MYBL1: variants seen among roughly 807,000 people sequenced by gnomAD.
MYBL1 encodes the protein myb-related protein A.
MYBL1 carries 17 observed loss-of-function variants against 96.3 expected under a neutral mutation model. The ratio of observed to expected loss-of-function variants is 0.18; its 90% CI spans 0.12 to 0.26. The LOEUF (loss-of-function observed/expected upper bound fraction) is 0.26, where lower values mean the gene tolerates loss of function less well. Among genes scored for constraint, MYBL1 ranks in the 10% least tolerant of loss-of-function variants. The pLI is 1.00. For synonymous variants in MYBL1, 282 were observed against 292.7 expected (o/e 0.96, Z 0.37); for missense variants, 701 against 882.9 (o/e 0.79, Z 2.61).
intron 8 of MYBL1, among the ~76,000 whole-genome samples, chr8:66,587,909 C>T (rs181515223): frequency 6.6e-6 from 1 of 152,138 alleles, no homozygotes; most frequent in East Asian, 1.9e-4. Flanking sequence ...ACTATTACTA[C>T]TAAAAGTAAA....
chr8:66,562,375 T>C lies in MYBL1; in HGVS notation c.*2322A>G, dbSNP rs1808367010. The C allele has an allele frequency of 6.6e-6, 1 of 152,664 alleles. No homozygotes were observed. The highest frequency in any genetic ancestry group is 2.4e-5 in the African/African-American group (1 of 41,460). The allele number at this position is 152,664 out of a possible 1,614,324, so 9.5% of individuals were successfully genotyped here. A position where few individuals can be genotyped will look rare whatever the true frequency, so the allele number is the denominator to read the frequency against. On this transcript the variant is annotated 3_prime_UTR_variant, in exon 16 of 16. Coordinates refer to ENST00000522677, the MANE Select transcript of MYBL1 (RefSeq NM_001080416.4). Reference sequence around the variant, plus strand: ...ATGCAAGTATGGCTGCTACATGTTATGTCTGGCATTTGTATAACATACTGA... The same window carrying C: ...ATGCAAGTATGGCTGCTACATGTTACGTCTGGCATTTGTATAACATACTGA...
At chr8:66,600,996 C>A (rs1406404236) in intron 3 of MYBL1, among the ~76,000 whole-genome samples, 1 of 151,220 alleles carries the variant, frequency 6.6e-6, no homozygotes, top group Admixed American at 6.6e-5. Context: ...CATGGAGAAA[C>A]CCCGTCTCTA....
Position 66,566,192 on chromosome 8 carries a change from G to C in MYBL1, c.2002C>G (p.His668Asp). 2 of 1,516,552 alleles carry C rather than the reference G, an allele frequency of 1.3e-6. No individual in the cohort carries two copies. Among genetic ancestry groups the C allele is most frequent in the Non-Finnish European group, 1.8e-6 (2 of 1,114,686 alleles). The allele number at this position is 1,516,552 out of a possible 1,614,324, so 93.9% of individuals were successfully genotyped here. A position where few individuals can be genotyped will look rare whatever the true frequency, so the allele number is the denominator to read the frequency against. The change falls in exon 15 of 16, where the codon CAT becomes GAT. Residue 668 changes from histidine to aspartate, a missense_variant. His to Asp is a moderately conservative substitution (Grantham distance 81). Around this residue, in one of 5 missense-constraint regions of MYBL1, gnomAD observed 137 missense variants for 137.5 expected, o/e 1.00. Transcript: ENST00000522677. ...SLLMIPLLEI[H>D]DNRCNLIPEK... ...GGAATCAAGTTGCACCTATTGTCAT[G>C]TATTTCCAATAATGGTATCATTAAT...
intron 12 of MYBL1, among the ~76,000 whole-genome samples, chr8:66,572,094 T>C (rs989363153): frequency 6.3e-4 from 92 of 145,974 alleles, no homozygotes; most frequent in African/African-American, 1.9e-3. Flanking sequence ...GGGAGGGGGG[T>C]GGATCACCTG....
intron 15 of MYBL1, among the ~76,000 whole-genome samples, chr8:66,565,763 T>C (rs971174021): frequency 3.3e-5 from 5 of 152,116 alleles, no homozygotes; most frequent in African/African-American, 1.2e-4. Context: ...GCTATACATA[T>C]TTGTTACAGG....
intron 8 of MYBL1, among the ~76,000 whole-genome samples, chr8:66,582,514 C>T (rs62512604): frequency 0.12 from 14,781 of 128,132 alleles, 1,062 homozygotes; most frequent in East Asian, 0.22. Context: ...AAACCAGCCT[C>T]GGCAACATGG....
At chr8:66,575,132 A>G (rs1412142110) in intron 10 of MYBL1, among the ~76,000 whole-genome samples, 1 of 152,212 alleles carries the variant, frequency 6.6e-6, no homozygotes, top group Non-Finnish European at 1.5e-5. Context: ...TAACATAAAC[A>G]TCTACTGTCC....
At position 66,562,841 on chromosome 8, in the gene MYBL1, C is replaced by T. The variant is rs916875435; in HGVS notation, c.*1856G>A. ...CATACTTAAACATGCTAAGAGGATT[C>T]AAATTGGTTTATCTATTTATCAATA... On this transcript the variant is annotated 3_prime_UTR_variant, in exon 16 of 16. Transcript: ENST00000522677. The T allele has an allele frequency of 1.3e-5, 2 of 151,066 alleles. No individual in the cohort carries two copies. The highest frequency in any genetic ancestry group is 2.4e-5 in the African/African-American group (1 of 40,978). The allele number at this position is 151,066 out of a possible 1,614,324, so 9.4% of individuals were successfully genotyped here.
chr8:66,597,640 T>A, intron 4 of MYBL1, 90 bp from the exon 5 acceptor site: 2 of 776,908 alleles, frequency 2.6e-6, no homozygotes, highest in Non-Finnish European at 2.0e-6. Context: ...ATAAATGCAT[T>A]AAATCCAAGC....
chr8:66,607,144 A>C (rs549281948), intron 1 of MYBL1, among the ~76,000 whole-genome samples: 101 of 152,180 alleles, frequency 6.6e-4, no homozygotes, highest in East Asian at 5.8e-3. Flanking sequence ...AAAAAAAAAA[A>C]AAAAAACTCT....
At chr8:66,602,912 A>T (rs1049110327) in intron 1 of MYBL1, among the ~76,000 whole-genome samples, 1 of 150,358 alleles carries the variant, frequency 6.7e-6, no homozygotes, top group African/African-American at 2.4e-5. Flanking sequence ...CGCCCAGCTA[A>T]TTTTTTGTAT....
intron 1 of MYBL1, among the ~76,000 whole-genome samples, chr8:66,604,172 A>T (rs1361828126): frequency 6.6e-6 from 1 of 152,242 alleles, no homozygotes; most frequent in Non-Finnish European, 1.5e-5. Flanking sequence ...TAACATTTCA[A>T]ATCAGTGGAG....
intron 1 of MYBL1, among the ~76,000 whole-genome samples, chr8:66,609,192 T>TAATTCA (rs1450978957): frequency 6.6e-6 from 1 of 152,062 alleles, no homozygotes; most frequent in Non-Finnish European, 1.5e-5. Context: ...CTTGATGAAA[T>TAATTCA]AATTCACATG....
Position 66,613,201 on chromosome 8 carries a change from C to A in MYBL1, c.-363G>T, listed in dbSNP as rs559618580. 6 of 400,212 alleles carry A rather than the reference C, an allele frequency of 1.5e-5. No homozygotes were observed. Among genetic ancestry groups the A allele is most frequent in the Admixed American group, 8.8e-5 (2 of 22,694 alleles). The allele number at this position is 400,212 out of a possible 1,614,324, so 24.8% of individuals were successfully genotyped here. ...GGCGCCCGACCCCTGCCCTCTCCCC[C>A]GCAGCTAGCAGTTCTGCAGGGCTCG... is the stretch of plus-strand genomic sequence containing the variant. On this transcript the variant is annotated 5_prime_UTR_variant, in exon 1 of 16. Transcript: ENST00000522677.
At chr8:66,571,563 A>G (rs2129736000) in intron 12 of MYBL1, among the ~76,000 whole-genome samples, 1 of 152,332 alleles carries the variant, frequency 6.6e-6, no homozygotes, top group South Asian at 2.1e-4. Context: ...GACTGAAACT[A>G]CTAAAATGTA....
At chr8:66,566,827 T>C in intron 13 of MYBL1, 39 bp from the exon 14 acceptor site, 2 of 1,589,058 alleles carry the variant, frequency 1.3e-6, no homozygotes, top group Middle Eastern at 1.7e-4. Context: ...TATGGCAAAG[T>C]CTCTTGGATA....
intron 8 of MYBL1, among the ~76,000 whole-genome samples, chr8:66,585,771 G>C (rs1259768599): frequency 6.6e-6 from 1 of 152,016 alleles, no homozygotes; most frequent in African/African-American, 2.4e-5. Context: ...TAGGAGAAAT[G>C]TTTTAGGACA....
intron 9 of MYBL1, among the ~76,000 whole-genome samples, chr8:66,578,318 C>T (rs1386489260): frequency 1.0e-4 from 15 of 150,456 alleles, no homozygotes; most frequent in East Asian, 3.9e-4. Context: ...AGAAAATTTT[C>T]GCAACCTACT....
In MYBL1 at chr8:66,609,353, C is replaced by T. The variant is rs1053785075; in HGVS notation, c.20+3466G>A. On this transcript the variant is annotated intron_variant, in intron 1 of 15. Transcript: ENST00000522677. ...GAGAAATACCGGTTCTATAAATTTG[C>T]TCTAGTAAAATCGCATCAAGTTGAT... is the stretch of plus-strand genomic sequence containing the variant. 2.6e-5 allele frequency among the ~76,000 whole-genome samples: 4 copies of T among 151,740 alleles called. No homozygotes were observed. The South Asian group carries it at 6.2e-4, about 24-fold the overall frequency.
Sources: allele counts gnomAD v4.1 joint callset (sites outside exome capture counted in the v4.1 genomes callset), GRCh38; gene constraint gnomAD v4.1.1; regional missense constraint gnomAD v4.1.1; transcripts MANE v1.5; gene names NCBI Gene and HGNC (gene_info 2026-07-23, HGNC 2026-07-21).